The following SCGN variants were observed in gnomAD, a reference collection of about 807,000 sequenced individuals.
SCGN encodes the protein secretagogin, EF-hand calcium binding protein.
A neutral mutation model predicts 39.7 loss-of-function variants in SCGN; 30 were observed. The observed-to-expected ratio is 0.76, with a 90% CI of 0.57 to 1.03. The LOEUF (loss-of-function observed/expected upper bound fraction) is 1.03, where lower values mean the gene tolerates loss of function less well. Among genes scored for constraint, SCGN ranks in the 50% least tolerant of loss-of-function variants. The probability of loss-of-function intolerance (pLI) is 0.00; values close to 1 mark genes in which losing one functional copy is unlikely to be tolerated. For missense variants in SCGN, 353 were observed against 349.4 expected (o/e 1.01, Z -0.08); for synonymous variants, 106 against 114.1 (o/e 0.93, Z 0.45).
intron 6 of SCGN, among the ~76,000 whole-genome samples, chr6:25,672,945 T>C (rs1276316916): frequency 1.3e-5 from 2 of 152,172 alleles, no homozygotes; most frequent in South Asian, 4.1e-4. Context: ...TGATGTTATC[T>C]GTTTATGGGT....
chr6:25,669,757 T>A (rs1759465439), intron 5 of SCGN, among the ~76,000 whole-genome samples, 190 bp downstream of exon 5: 1 of 152,142 alleles, frequency 6.6e-6, no homozygotes, highest in African/African-American at 2.4e-5. Context: ...CACATTGCTC[T>A]CTCTGGAAAA....
chr6:25,679,377 G>A (rs569366249), intron 6 of SCGN, among the ~76,000 whole-genome samples: 10 of 152,286 alleles, frequency 6.6e-5, no homozygotes, highest in African/African-American at 2.4e-4. Context: ...TGAACATTTG[G>A]TTTCAGAAAT....
intron 10 of SCGN, 104 bp downstream of exon 10, chr6:25,691,228 A>C: frequency 1.2e-6 from 1 of 842,934 alleles, no homozygotes; most frequent in South Asian, 1.7e-5. Flanking sequence ...TCAAAGATAA[A>C]ATCTAGGGAT....
chr6:25,660,865 T>A (rs557202115), intron 2 of SCGN, among the ~76,000 whole-genome samples: 1 of 152,234 alleles, frequency 6.6e-6, no homozygotes, highest in Admixed American at 6.5e-5. Context: ...AAGTCTAGAA[T>A]CTTACAATTG....
chr6:25,686,153 T>G lies in SCGN; in HGVS notation c.528-3019T>G, dbSNP rs540265026. Among the ~76,000 whole-genome samples the G allele has an allele frequency of 3.5e-4, 54 of 152,332 alleles. No individual in the cohort carries two copies. In the South Asian group the frequency reaches 7.9e-3, roughly 22 times the overall value. On this transcript the variant is annotated intron_variant, in intron 7 of 10. Coordinates refer to ENST00000377961, the MANE Select transcript of SCGN (RefSeq NM_006998.4). ...CAGCTGATGTTCATTTGAGTTGTTT[T>G]CACTTTTTAGAGATTATGAATAACG...
intron 2 of SCGN, among the ~76,000 whole-genome samples, chr6:25,654,811 C>T (rs1760198767): frequency 6.7e-6 from 1 of 149,408 alleles, no homozygotes; most frequent in Non-Finnish European, 1.5e-5. Flanking sequence ...GCCTGCACTC[C>T]ACCCCTTACC....
chr6:25,699,774 G>A (rs1422072523), intron 10 of SCGN, among the ~76,000 whole-genome samples: 1 of 152,018 alleles, frequency 6.6e-6, no homozygotes, highest in Non-Finnish European at 1.5e-5. Flanking sequence ...ATTGGTTATT[G>A]GAGCCAAGTT....
intron 2 of SCGN, among the ~76,000 whole-genome samples, chr6:25,659,976 A>T (rs749263458): frequency 2.0e-5 from 3 of 152,220 alleles, no homozygotes; most frequent in Non-Finnish European, 4.4e-5. Context: ...TCAGCCAGTG[A>T]TGGGAAAATG....
chr6:25,699,589 C>CAA (rs35915067), intron 10 of SCGN, among the ~76,000 whole-genome samples: 1,855 of 53,514 alleles, frequency 0.035, 38 homozygotes, highest in African/African-American at 0.088. Context: ...AACTCTGTCT[C>CAA]AAAAAAAAAA....
chr6:25,652,608 T>G, intron 1 of SCGN, 123 bp downstream of exon 1: 1 of 776,398 alleles, frequency 1.3e-6, no homozygotes, highest in Admixed American at 2.3e-5. Context: ...GTTAATGCAG[T>G]GTACCTAATA....
intron 2 of SCGN, among the ~76,000 whole-genome samples, chr6:25,660,527 C>A (rs1760318174): frequency 6.6e-6 from 1 of 152,202 alleles, no homozygotes; most frequent in African/African-American, 2.4e-5. Context: ...ACATCTTGCA[C>A]CTGGGTTGTT....
chr6:25,657,683 GTA>G (rs901038341), intron 2 of SCGN, among the ~76,000 whole-genome samples: 1 of 148,396 alleles, frequency 6.7e-6, no homozygotes, highest in Non-Finnish European at 1.5e-5. Context: ...TATATTACGT[GTA>G]TATATATATG....
intron 10 of SCGN, among the ~76,000 whole-genome samples, chr6:25,693,554 C>A (rs1347638829): frequency 6.7e-6 from 1 of 149,724 alleles, no homozygotes; most frequent in East Asian, 2.0e-4. Context: ...TAAAAGGAAT[C>A]ATCTGCTCAA....
At chr6:25,688,108 C>G (rs1339301840) in intron 7 of SCGN, among the ~76,000 whole-genome samples, 1 of 152,130 alleles carries the variant, frequency 6.6e-6, no homozygotes, top group Non-Finnish European at 1.5e-5. Flanking sequence ...AAAAGTTACA[C>G]ACAAAAAATA....
Position 25,701,453 on chromosome 6 carries a change from T to C in SCGN, c.*118T>C, listed in dbSNP as rs1228595845. 2.9e-6 allele frequency: 4 copies of C among 1,373,828 alleles called. No individual in the cohort carries two copies. In the African/African-American group the frequency reaches 5.8e-5, roughly 20 times the overall value. 85.1% of individuals were successfully genotyped at this position (1,373,828 alleles called of 1,614,324 possible). On this transcript the variant is annotated 3_prime_UTR_variant, in exon 11 of 11. Transcript: ENST00000377961. ...AAACTCACAAATGGTGTGCTATTCT[T>C]GGGCAAGAACAGGGACGCTAGGGCC...
At chr6:25,700,134 A>T (rs948741171) in intron 10 of SCGN, among the ~76,000 whole-genome samples, 2 of 150,330 alleles carry the variant, frequency 1.3e-5, no homozygotes, top group African/African-American at 4.9e-5. Flanking sequence ...AAGCCCAGCC[A>T]CTCGGGAAGC....
At position 25,669,622 on chromosome 6, in the gene SCGN, G is replaced by A. The variant is rs374674738; in HGVS notation, c.393+55G>A. 64 of 1,444,296 alleles carry A rather than the reference G, an allele frequency of 4.4e-5. No homozygotes were observed. In the East Asian group the frequency reaches 1.3e-3, roughly 28 times the overall value. The allele number at this position is 1,444,296 out of a possible 1,614,324, so 89.5% of individuals were successfully genotyped here. A position where few individuals can be genotyped will look rare whatever the true frequency, so the allele number is the denominator to read the frequency against. The stretch of plus-strand genomic sequence containing the variant: ...GTTTATCATTGGGAATTTGATATGT[G>A]TGTATCATGAGTTTGATTTCTGTGG... On this transcript the variant is annotated intron_variant, in intron 5 of 10. Transcript: ENST00000377961.
intron 6 of SCGN, among the ~76,000 whole-genome samples, chr6:25,675,487 C>G (rs1221686107): frequency 1.3e-5 from 2 of 152,262 alleles, no homozygotes; most frequent in African/African-American, 4.8e-5. Context: ...AGCCCACTCC[C>G]TTTTGTAAAG....
At chr6:25,690,523 G>A (rs1378064757) in intron 9 of SCGN, among the ~76,000 whole-genome samples, 4 of 152,008 alleles carry the variant, frequency 2.6e-5, no homozygotes, top group Non-Finnish European at 5.9e-5. Flanking sequence ...AATATGTATT[G>A]TATTTTATAG....
Sources: gnomAD v4.1 joint callset for allele counts (sites outside exome capture counted in the v4.1 genomes callset) on GRCh38, gnomAD v4.1.1 for gene constraint, MANE v1.5 for transcripts, NCBI Gene and HGNC (gene_info 2026-07-23, HGNC 2026-07-21) for gene names.